Variants in SAMD5 observed in about 807,000 individuals in gnomAD.
The protein encoded by SAMD5 is sterile alpha motif domain-containing protein 5.
Under a neutral mutation model 11.3 loss-of-function variants are expected in SAMD5, and 13 were observed. The ratio of observed to expected loss-of-function variants is 1.15; its 90% CI spans 0.75 to 1.83. The LOEUF is 1.83. Among genes scored for constraint, SAMD5 ranks in the 40% most tolerant of loss-of-function variants. The pLI is 0.00. For missense variants in SAMD5, 255 were observed against 239.1 expected, an observed-to-expected ratio of 1.07 and a Z score of -0.44; for synonymous variants, 129 against 111.3, an observed-to-expected ratio of 1.16 and a Z score of -1.00.
chr6:147,772,526 C>T, the SAMD5 span, among the ~76,000 whole-genome samples: 17 of 152,128 alleles, frequency 1.1e-4, no homozygotes, highest in Non-Finnish European at 1.8e-4. Flanking sequence ...GATCTATTTC[C>T]TCACTGTTCT....
At chr6:147,924,687 A>G in the SAMD5 span, among the ~76,000 whole-genome samples, 90 of 151,802 alleles carry the variant, frequency 5.9e-4, no homozygotes, top group African/African-American at 1.9e-3. Flanking sequence ...ACCAAACAAA[A>G]CTAAAATAAA....
rs139345420 is a variant in SAMD5 at position 147,522,422 on chromosome 6, C to T, written c.459+13035C>T. ...TTTTATTGGGATTGAATATTTAATC[C>T]TATGAAACATCTTTTAGGCAACTTA... On this transcript the variant is annotated intron_variant, in intron 1 of 1. Coordinates refer to ENST00000367474, the MANE Select transcript of SAMD5 (RefSeq NM_001030060.3). Among the ~76,000 whole-genome samples, 9 of 152,158 alleles carry T rather than the reference C, an allele frequency of 5.9e-5. No homozygotes were observed. In the East Asian group the frequency reaches 1.7e-3, roughly 29 times the overall value.
intron 1 of SAMD5, among the ~76,000 whole-genome samples, chr6:147,601,726 T>C (rs1250249255): frequency 1.3e-5 from 2 of 152,340 alleles, no homozygotes; most frequent in East Asian, 3.9e-4. Flanking sequence ...TTTTGTCTCA[T>C]GTTACTGTTC....
chr6:147,832,726 T>G, the SAMD5 span, among the ~76,000 whole-genome samples: 1 of 152,214 alleles, frequency 6.6e-6, no homozygotes, highest in Non-Finnish European at 1.5e-5. Flanking sequence ...ATTTGCTGCT[T>G]CCTCCTCTAG....
intron 1 of SAMD5, among the ~76,000 whole-genome samples, chr6:147,724,452 C>T (rs1179475704): frequency 6.6e-6 from 1 of 152,140 alleles, no homozygotes; most frequent in Non-Finnish European, 1.5e-5. Context: ...ATTTTTAAGG[C>T]AAATCTGAGC....
At chr6:147,931,340 C>A in the SAMD5 span, among the ~76,000 whole-genome samples, 2 of 152,240 alleles carry the variant, frequency 1.3e-5, no homozygotes, top group African/African-American at 2.4e-5. Context: ...AATATCCCAT[C>A]CTTATTCAGC....
intron 1 of SAMD5, among the ~76,000 whole-genome samples, chr6:147,692,149 A>G (rs921877552): frequency 1.3e-5 from 2 of 152,174 alleles, no homozygotes; most frequent in African/African-American, 2.4e-5. Flanking sequence ...TTTCCATACT[A>G]TAGAGCCACA....
chr6:147,679,048 C>T (rs1284813093), intron 1 of SAMD5, among the ~76,000 whole-genome samples: 2 of 151,958 alleles, frequency 1.3e-5, no homozygotes, highest in African/African-American at 4.8e-5. Flanking sequence ...ATAGATATAC[C>T]ACAATTTGTT....
At chr6:147,789,775 T>C in the SAMD5 span, among the ~76,000 whole-genome samples, 3 of 152,246 alleles carry the variant, frequency 2.0e-5, no homozygotes, top group African/African-American at 4.8e-5. Context: ...TTTTGATGAC[T>C]GTGACGGTTT....
chr6:147,627,808 A>C (rs1176467634), intron 1 of SAMD5, among the ~76,000 whole-genome samples: 1 of 152,242 alleles, frequency 6.6e-6, no homozygotes, highest in Non-Finnish European at 1.5e-5. Flanking sequence ...TTGTCTCAAA[A>C]AAAAGGAAGC....
chr6:147,914,086 C>G, the SAMD5 span, among the ~76,000 whole-genome samples: 1 of 152,024 alleles, frequency 6.6e-6, no homozygotes, highest in Non-Finnish European at 1.5e-5. Context: ...GCATACGGCC[C>G]AGGATGGCTT....
the SAMD5 span, among the ~76,000 whole-genome samples, chr6:147,930,530 A>C: frequency 6.6e-6 from 1 of 152,284 alleles, no homozygotes; most frequent in African/African-American, 2.4e-5. Context: ...CAGAGGATGA[A>C]AAAGTACCAG....
chr6:147,885,751 G>A, the SAMD5 span, among the ~76,000 whole-genome samples: 3 of 152,152 alleles, frequency 2.0e-5, no homozygotes, highest in African/African-American at 7.2e-5. Context: ...CATGAACAAT[G>A]AACATAAGTA....
intron 1 of SAMD5, chr6:147,733,827 T>G: frequency 1.2e-6 from 1 of 846,208 alleles, no homozygotes; most frequent in Non-Finnish European, 1.4e-6. Flanking sequence ...CCGCTGAGAT[T>G]TTTGCAGAGT....
At chr6:147,556,205 G>A (rs1310157158) in intron 1 of SAMD5, among the ~76,000 whole-genome samples, 2 of 151,624 alleles carry the variant, frequency 1.3e-5, no homozygotes, top group Non-Finnish European at 2.9e-5. Flanking sequence ...CCATTCTCCC[G>A]CCTCAGCCTC....
rs189949939 is a variant in SAMD5, at chr6:147,618,921, T to C, written c.162+109534T>C. On this transcript the variant is annotated intron_variant, in intron 1 of 1. Transcript: ENST00000566741. ...TACTTCATCTTTTAAAGAGGATGTG[T>C]CTTATGAGGAAGTTGGAATTCTTTG... 1.1e-4 allele frequency among the ~76,000 whole-genome samples: 17 copies of C among 152,352 alleles called. No homozygotes were observed. The East Asian group carries it at 3.3e-3, about 29-fold the overall frequency.
chr6:147,550,856 C>T (rs1285598557), intron 1 of SAMD5, among the ~76,000 whole-genome samples: 1 of 151,736 alleles, frequency 6.6e-6, no homozygotes, highest in Admixed American at 6.6e-5. Flanking sequence ...TTGACTGCTA[C>T]TCAATATATC....
chr6:147,862,946 A>C, the SAMD5 span, among the ~76,000 whole-genome samples: 2 of 152,168 alleles, frequency 1.3e-5, no homozygotes, highest in African/African-American at 4.8e-5. Flanking sequence ...GTGTTTGACT[A>C]TTAGTCTTAG....
chr6:147,607,100 G>A (rs1166100116), intron 1 of SAMD5, among the ~76,000 whole-genome samples: 1 of 152,116 alleles, frequency 6.6e-6, no homozygotes, highest in Non-Finnish European at 1.5e-5. Context: ...GTCATCTGAT[G>A]AGCCTTAAAA....
Sources: allele counts gnomAD v4.1 joint callset (sites outside exome capture counted in the v4.1 genomes callset), GRCh38; gene constraint gnomAD v4.1.1; transcripts MANE v1.5; gene names NCBI Gene and HGNC (gene_info 2026-07-23, HGNC 2026-07-21).